PNPLA7: variants seen among roughly 807,000 people sequenced by gnomAD.
PNPLA7 encodes the protein patatin like domain 7, lysophospholipase.
PNPLA7 carries 153 observed loss-of-function variants against 161.7 expected under a neutral mutation model. That is an observed-to-expected ratio of 0.95 (90% CI 0.83 to 1.08). PNPLA7 has a LOEUF of 1.08. Ranked by LOEUF, PNPLA7 falls within the 50% of genes least tolerant of loss-of-function variation. PNPLA7 has a pLI of 0.00. For synonymous variants in PNPLA7, 809 were observed against 782.1 expected (o/e 1.03, Z -0.57); for missense variants, 1,739 against 1,856.6 (o/e 0.94, Z 1.16).
intron 14 of PNPLA7, 92 bp from the exon 15 acceptor site, chr9:137,501,819 G>T: frequency 7.6e-7 from 1 of 1,314,038 alleles, no homozygotes; most frequent in South Asian, 1.3e-5. Context: ...CAGGGGCAAC[G>T]AGCGGTGAGG....
chr9:137,469,225 T>C (rs997162678), intron 25 of PNPLA7, among the ~76,000 whole-genome samples: 2 of 152,120 alleles, frequency 1.3e-5, no homozygotes, highest in African/African-American at 2.4e-5. Flanking sequence ...AAATACAAGA[T>C]GGGTCAGAAA....
At chr9:137,549,772 G>A (rs1588733311) in intron 1 of PNPLA7, among the ~76,000 whole-genome samples, 1 of 151,630 alleles carries the variant, frequency 6.6e-6, no homozygotes, top group Admixed American at 6.6e-5. Flanking sequence ...GCGACAGAGC[G>A]AGACTCCGTC....
At chr9:137,460,511 G>C (rs979529463) in intron 34 of PNPLA7, 35 bp from the exon 35 acceptor site, 17 of 1,609,226 alleles carry the variant, frequency 1.1e-5, no homozygotes, top group Non-Finnish European at 1.4e-5. Flanking sequence ...GTGAGGACCA[G>C]GCAGGGCAGG....
chr9:137,505,891 G>A, intron 13 of PNPLA7, 92 bp downstream of exon 13: 3 of 1,531,462 alleles, frequency 2.0e-6, no homozygotes, highest in South Asian at 1.2e-5. Context: ...GGTGCCACAT[G>A]ACACCAAAGC....
intron 20 of PNPLA7, among the ~76,000 whole-genome samples, chr9:137,487,500 C>A (rs917163685): frequency 6.6e-6 from 1 of 152,220 alleles, no homozygotes; most frequent in South Asian, 2.1e-4. Flanking sequence ...TGTGTCTGTG[C>A]AGGAAAAGAA....
intron 12 of PNPLA7, among the ~76,000 whole-genome samples, chr9:137,515,176 C>T (rs923925140): frequency 1.1e-4 from 16 of 152,100 alleles, no homozygotes; most frequent in African/African-American, 3.9e-4. Context: ...GAGGAGCACA[C>T]CAGGGTGTTC....
At chr9:137,495,959 A>G (rs921514850) in intron 18 of PNPLA7, among the ~76,000 whole-genome samples, 1 of 152,106 alleles carries the variant, frequency 6.6e-6, no homozygotes. Context: ...GCCCTGGCAG[A>G]GCTGAGGCGA....
Position 137,467,531 on chromosome 9 carries a change from C to A in PNPLA7, c.2883-58G>T. 1.3e-6 allele frequency: 2 copies of A among 1,585,766 alleles called. No homozygotes were observed. The highest frequency in any genetic ancestry group is 8.6e-7 in the Non-Finnish European group (1 of 1,165,244). On this transcript the variant is annotated intron_variant, in intron 25 of 34. Transcript: ENST00000406427. This position sits in a 1 kb window ranked among gnomAD's most constrained non-coding sequence, Gnocchi z 5.1. ...AGTACCAGGCCCAGGCTGCGCCCTGCAGAGGCCTTGTGCTCATCCTCAGTT... is the reference window on the plus strand; with the variant it reads ...AGTACCAGGCCCAGGCTGCGCCCTGAAGAGGCCTTGTGCTCATCCTCAGTT...
intron 12 of PNPLA7, among the ~76,000 whole-genome samples, chr9:137,511,975 GC>G (rs1362896943): frequency 6.6e-6 from 1 of 152,100 alleles, no homozygotes; most frequent in East Asian, 1.9e-4. Flanking sequence ...TCCTTACCCT[GC>G]CCCCTTGCCT....
rs1835595543 is a variant in PNPLA7, at chr9:137,531,822, C to T, written c.747+8820G>A. Among the ~76,000 whole-genome samples the T allele has an allele frequency of 2.0e-5, 3 of 152,152 alleles. No homozygotes were observed. In the South Asian group the frequency reaches 6.2e-4, roughly 32 times the overall value. On this transcript the variant is annotated intron_variant, in intron 8 of 34. Coordinates refer to ENST00000406427, the MANE Select transcript of PNPLA7 (RefSeq NM_001098537.3). ...AAGAAAAGAGAAGGTGAAATGAGAGCACACGTGGGTAATGTGAACAGAGCC... is the reference window on the plus strand; with the variant it reads ...AAGAAAAGAGAAGGTGAAATGAGAGTACACGTGGGTAATGTGAACAGAGCC...
Position 137,496,801 on chromosome 9 carries a change from G to A in PNPLA7, c.2013+386C>T, listed in dbSNP as rs73567292. ...CTTGGAGCTGGGCAGCCCCCCACTCGCTCAGGATGCAGGGGCCTGCTGTGA... is the reference window on the plus strand; with the variant it reads ...CTTGGAGCTGGGCAGCCCCCCACTCACTCAGGATGCAGGGGCCTGCTGTGA... On this transcript the variant is annotated intron_variant, in intron 18 of 34. Coordinates refer to ENST00000406427, the MANE Select transcript of PNPLA7 (RefSeq NM_001098537.3). Among the ~76,000 whole-genome samples, 182 of 152,338 alleles carry A rather than the reference G, an allele frequency of 1.2e-3. 1 individual carries two copies. The highest frequency in any genetic ancestry group is 4.2e-3 in the African/African-American group (173 of 41,584).
chr9:137,481,084 G>C, intron 21 of PNPLA7, 61 bp from the exon 22 acceptor site: 1 of 1,520,006 alleles, frequency 6.6e-7, no homozygotes, highest in South Asian at 1.2e-5. Context: ...ACGCCAACAA[G>C]GCACCGACAC....
chr9:137,502,790 G>A (rs1490826717), intron 14 of PNPLA7, among the ~76,000 whole-genome samples: 5 of 117,272 alleles, frequency 4.3e-5, no homozygotes, highest in African/African-American at 1.3e-4. Flanking sequence ...GCTGGACAGG[G>A]GGGCACTGAA....
intron 8 of PNPLA7, among the ~76,000 whole-genome samples, chr9:137,535,767 A>AAT (rs397712613): frequency 6.6e-6 from 1 of 150,518 alleles, no homozygotes; most frequent in Non-Finnish European, 1.5e-5. Flanking sequence ...AAAAAAAAAA[A>AAT]TTAACAGAAA....
In PNPLA7 at chr9:137,460,302, A is replaced by G; in HGVS notation, c.*91T>C. The G allele has an allele frequency of 7.6e-7, 1 of 1,309,156 alleles. No individual in the cohort carries two copies. Among genetic ancestry groups the G allele is most frequent in the South Asian group, 1.3e-5 (1 of 74,384 alleles). 81.1% of individuals were successfully genotyped at this position (1,309,156 alleles called of 1,614,324 possible). On this transcript the variant is annotated 3_prime_UTR_variant, in exon 35 of 35. Coordinates refer to ENST00000406427, the MANE Select transcript of PNPLA7 (RefSeq NM_001098537.3). ...GGGAAGTCAGGGCTTCCAGCAGGGC[A>G]GGTACAGAGGCCCCTAGGACTTGGC...
At chr9:137,496,332 C>T (rs1268638352) in intron 18 of PNPLA7, among the ~76,000 whole-genome samples, 1 of 151,276 alleles carries the variant, frequency 6.6e-6, no homozygotes, top group Non-Finnish European at 1.5e-5. Flanking sequence ...GTCTCGAACT[C>T]CCAACCTCAG....
At chr9:137,503,742 A>AAGAG (rs1833664437) in intron 14 of PNPLA7, among the ~76,000 whole-genome samples, 1 of 136,966 alleles carries the variant, frequency 7.3e-6, no homozygotes. Flanking sequence ...AAGGGGAAGG[A>AAGAG]AGAAGAAGAA....
chr9:137,541,303 C>G lies in PNPLA7; in HGVS notation c.667-581G>C. 2.2e-6 allele frequency: 1 copy of G among 463,008 alleles called. No homozygotes were observed. The highest frequency in any genetic ancestry group is 2.1e-5 in the African/African-American group (1 of 47,224). The allele number at this position is 463,008 out of a possible 1,614,324, so 28.7% of individuals were successfully genotyped here. A position where few individuals can be genotyped will look rare whatever the true frequency, so the allele number is the denominator to read the frequency against. On this transcript the variant is annotated intron_variant, in intron 7 of 34. Coordinates refer to ENST00000406427, the MANE Select transcript of PNPLA7 (RefSeq NM_001098537.3). This position sits in a 1 kb window ranked among gnomAD's most constrained non-coding sequence, Gnocchi z 4.4. ...GCCCCGCACGAGCGGCAACGAAAGC[C>G]GCTGCTTCACCAGCTGGGCGGCCTC...
chr9:137,508,277 G>A (rs1420934130), intron 12 of PNPLA7, among the ~76,000 whole-genome samples: 1 of 152,110 alleles, frequency 6.6e-6, no homozygotes, highest in Non-Finnish European at 1.5e-5. Flanking sequence ...ATTTAGAAAA[G>A]GATGTATCAG....
Sources: gnomAD v4.1 joint callset for allele counts (sites outside exome capture counted in the v4.1 genomes callset) on GRCh38, gnomAD v4.1.1 for gene constraint, Gnocchi (gnomAD v3.1) non-coding constraint, MANE v1.5 for transcripts, NCBI Gene and HGNC (gene_info 2026-07-23, HGNC 2026-07-21) for gene names.